TRIM33: variants seen among roughly 807,000 people sequenced by gnomAD.
TRIM33 encodes the protein E3 ubiquitin-protein ligase TRIM33.
A neutral mutation model predicts 125.4 loss-of-function variants in TRIM33; 20 were observed. The ratio of observed to expected loss-of-function variants is 0.16; its 90% confidence interval spans 0.11 to 0.23. The LOEUF (loss-of-function observed/expected upper bound fraction) is 0.23. Among genes scored for constraint, TRIM33 ranks in the 10% least tolerant of loss-of-function variants. The pLI is 1.00. For missense variants in TRIM33, 920 were observed against 1,411.4 expected (o/e 0.65, Z 5.58); for synonymous variants, 564 against 513.9 (o/e 1.10, Z -1.32).
At chr1:114,441,352 C>T (rs1378986763) in intron 4 of TRIM33, among the ~76,000 whole-genome samples, 1 of 152,114 alleles carries the variant, frequency 6.6e-6, no homozygotes, top group African/African-American at 2.4e-5. Context: ...TGCCTATTTG[C>T]CAAGAAATAT....
chr1:114,472,458 T>C (rs1205215255), intron 1 of TRIM33, among the ~76,000 whole-genome samples: 1 of 152,230 alleles, frequency 6.6e-6, no homozygotes, highest in Non-Finnish European at 1.5e-5. Flanking sequence ...AGTGGCCAGA[T>C]GCTGTGGCTC....
Position 114,402,748 on chromosome 1 carries a change from T to C in TRIM33, c.2892+12A>G, listed in dbSNP as rs756019480. The C allele has an allele frequency of 2.5e-6, 4 of 1,609,186 alleles. No homozygotes were observed. In the African/African-American group the frequency reaches 4.0e-5, roughly 16 times the overall value. ...TGAATCCCAGTGACAAATCAACTTA[T>C]TTGACACTTACCCTTTGGTCCACGG... On this transcript the variant is annotated intron_variant, in intron 16 of 19. Transcript: ENST00000358465.
At chr1:114,434,196 G>A (rs1165870595) in intron 4 of TRIM33, among the ~76,000 whole-genome samples, 1 of 151,952 alleles carries the variant, frequency 6.6e-6, no homozygotes, top group African/African-American at 2.4e-5. Context: ...TTTTAATAAA[G>A]ACAAGGTCTA....
At chr1:114,455,602 A>G (rs1188007454) in intron 4 of TRIM33, among the ~76,000 whole-genome samples, 1 of 152,218 alleles carries the variant, frequency 6.6e-6, no homozygotes, top group African/African-American at 2.4e-5. Flanking sequence ...TATCCCAGGA[A>G]GATGGAAATC....
chr1:114,487,337 G>A, intron 1 of TRIM33, among the ~76,000 whole-genome samples: 2 of 108,680 alleles, frequency 1.8e-5, no homozygotes, highest in African/African-American at 3.6e-5. Flanking sequence ...AACCATGCAG[G>A]CCAAAAAAAA....
At chr1:114,465,867 C>G (rs1489629537) in intron 1 of TRIM33, among the ~76,000 whole-genome samples, 1 of 151,698 alleles carries the variant, frequency 6.6e-6, no homozygotes, top group East Asian at 1.9e-4. Flanking sequence ...TGGTGAAACC[C>G]CGTCTCTACT....
intron 1 of TRIM33, among the ~76,000 whole-genome samples, chr1:114,487,910 A>T (rs1272930920): frequency 6.8e-6 from 1 of 147,990 alleles, no homozygotes; most frequent in Non-Finnish European, 1.5e-5. Context: ...TCTCAAAAAA[A>T]AAAAAAAAAA....
chr1:114,454,863 A>G (rs1241369577), intron 4 of TRIM33, among the ~76,000 whole-genome samples: 3 of 152,172 alleles, frequency 2.0e-5, no homozygotes, highest in African/African-American at 7.2e-5. Flanking sequence ...AACATTAGAT[A>G]GCATGTCTGT....
At chr1:114,469,644 CAAT>C (rs1188239058) in intron 1 of TRIM33, among the ~76,000 whole-genome samples, 2 of 152,014 alleles carry the variant, frequency 1.3e-5, no homozygotes, top group East Asian at 3.9e-4. Flanking sequence ...GGCAAAAAAA[CAAT>C]AATTATGTTC....
At chr1:114,471,952 C>G (rs1287606021) in intron 1 of TRIM33, among the ~76,000 whole-genome samples, 1 of 152,104 alleles carries the variant, frequency 6.6e-6, no homozygotes. Context: ...AAAAACCTGA[C>G]CTGAACTGTC....
intron 11 of TRIM33, among the ~76,000 whole-genome samples, chr1:114,413,290 G>A (rs974120886): frequency 1.3e-5 from 2 of 152,090 alleles, no homozygotes; most frequent in African/African-American, 4.8e-5. Context: ...TGGGCGCAGT[G>A]GCTCACGCCT....
chr1:114,462,739 T>C (rs920996512), intron 4 of TRIM33, among the ~76,000 whole-genome samples: 2 of 152,174 alleles, frequency 1.3e-5, no homozygotes, highest in Non-Finnish European at 2.9e-5. Context: ...ATCAGTGTAT[T>C]TGTGATTTGA....
chr1:114,421,596 G>A lies in TRIM33; in HGVS notation c.1901C>T (p.Ser634Leu). The change falls in exon 11 of 20, where the codon TCG (serine) becomes TTG (leucine). Residue 634 changes from serine (S) to leucine (L), a missense_variant. Transcript: ENST00000358465. Reference protein sequence around the residue: ...PGHAGPFPVVSVHNTTINPTS... With the variant: ...PGHAGPFPVVLVHNTTINPTS... Reference sequence around the variant, plus strand: ...TGGGTTGATTGTGGTGTTGTGTACCGATACTACGGGAAAGGGTCCAGCATG... The same window carrying A: ...TGGGTTGATTGTGGTGTTGTGTACCAATACTACGGGAAAGGGTCCAGCATG... The A allele has an allele frequency of 1.9e-6, 3 of 1,614,102 alleles. No homozygotes were observed. Among genetic ancestry groups the A allele is most frequent in the South Asian group, 1.1e-5 (1 of 91,080 alleles).
chr1:114,469,249 G>T, intron 1 of TRIM33: 1 of 202,150 alleles, frequency 4.9e-6, no homozygotes, highest in South Asian at 1.1e-4. Context: ...GACTGTCATG[G>T]GCAAGCAAGC....
At chr1:114,509,672 A>T (rs1055647733) in intron 1 of TRIM33, among the ~76,000 whole-genome samples, 1 of 152,194 alleles carries the variant, frequency 6.6e-6, no homozygotes, top group African/African-American at 2.4e-5. Context: ...CTCATTCTTC[A>T]AGAAACCTGT....
At chr1:114,497,614 A>G (rs572099914) in intron 1 of TRIM33, among the ~76,000 whole-genome samples, 24 of 152,126 alleles carry the variant, frequency 1.6e-4, no homozygotes, top group Non-Finnish European at 2.9e-4. Context: ...AATAATTTTC[A>G]TGTGTCACAA....
At chr1:114,497,737 A>C (rs981791984) in intron 1 of TRIM33, among the ~76,000 whole-genome samples, 1 of 152,222 alleles carries the variant, frequency 6.6e-6, no homozygotes, top group Admixed American at 6.5e-5. Context: ...CCAATCCCTG[A>C]TCTAAAGCAA....
intron 5 of TRIM33, among the ~76,000 whole-genome samples, chr1:114,432,658 C>T (rs11589233): frequency 1.3e-5 from 2 of 151,902 alleles, no homozygotes; most frequent in South Asian, 2.1e-4. Context: ...TGGTGGTGGG[C>T]GCCTGTAGCC....
At chr1:114,507,873 T>C (rs1364222060) in intron 1 of TRIM33, among the ~76,000 whole-genome samples, 1 of 152,116 alleles carries the variant, frequency 6.6e-6, no homozygotes, top group Non-Finnish European at 1.5e-5. Context: ...TCCCAGGACT[T>C]TGGGAGGCTG....
Sources: allele counts gnomAD v4.1 joint callset (sites outside exome capture counted in the v4.1 genomes callset), GRCh38; gene constraint gnomAD v4.1.1; transcripts MANE v1.5; gene names NCBI Gene and HGNC (gene_info 2026-07-23, HGNC 2026-07-21).